The following DOCK4 variants were observed in gnomAD, a reference collection of about 807,000 sequenced individuals.
The protein encoded by DOCK4 is dedicator of cytokinesis protein 4.
A neutral mutation model predicts 268.1 loss-of-function variants in DOCK4; 97 were observed. That is an observed-to-expected ratio of 0.36 (90% CI 0.31 to 0.43). The LOEUF (loss-of-function observed/expected upper bound fraction) is 0.43. Ranked by LOEUF, DOCK4 falls within the 20% of genes least tolerant of loss-of-function variation. The pLI is 1.00. For missense variants in DOCK4, 2,145 were observed against 2,455.7 expected (o/e 0.87, Z 2.67); for synonymous variants, 954 against 887.2 (o/e 1.08, Z -1.34).
At chr7:111,980,605 T>G (rs1798535738) in intron 7 of DOCK4, among the ~76,000 whole-genome samples, 1 of 152,208 alleles carries the variant, frequency 6.6e-6, no homozygotes, top group South Asian at 2.1e-4. Context: ...GGCTGAATAT[T>G]TCCTTGTTGT....
At chr7:111,897,640 G>T (rs1258863703) in intron 15 of DOCK4, among the ~76,000 whole-genome samples, 1 of 152,054 alleles carries the variant, frequency 6.6e-6, no homozygotes, top group Non-Finnish European at 1.5e-5. Context: ...TCTACACCAT[G>T]GAAATCAGCA....
intron 52 of DOCK4, among the ~76,000 whole-genome samples, chr7:111,729,634 C>G (rs1458629640): frequency 2.0e-5 from 3 of 152,126 alleles, no homozygotes; most frequent in Non-Finnish European, 2.9e-5. Flanking sequence ...GCCAAAAACC[C>G]CAAAAACCTA....
Position 111,796,118 on chromosome 7 carries a change from G to A in DOCK4, c.3167-5513C>T, listed in dbSNP as rs78867349. Among the ~76,000 whole-genome samples the A allele has an allele frequency of 5.0e-3, 760 of 152,268 alleles. 6 individuals are homozygous for A. Among genetic ancestry groups the A allele is most frequent in the Non-Finnish European group, 7.1e-3 (484 of 68,028 alleles). ...CATCTGGGAGGTCCCCCATTCTTGG[G>A]AATGGGTGCTCCCCAGAGACCTTAC... On this transcript the variant is annotated intron_variant, in intron 30 of 52. Coordinates refer to ENST00000428084, the MANE Select transcript of DOCK4 (RefSeq NM_001363540.2).
intron 5 of DOCK4, 23 bp downstream of exon 5, chr7:111,994,112 G>A (rs368189579): frequency 1.6e-5 from 24 of 1,465,022 alleles, no homozygotes; most frequent in African/African-American, 1.4e-4. Context: ...CCGAAAAATC[G>A]TGTCATTAAA....
chr7:111,984,271 C>T (rs370378528), intron 7 of DOCK4, 35 bp downstream of exon 7: 76 of 1,571,390 alleles, frequency 4.8e-5, no homozygotes, highest in Non-Finnish European at 6.4e-5. Context: ...AGAAAATTAG[C>T]AGGAAGACTG....
chr7:112,095,000 T>C (rs983091699), intron 1 of DOCK4, among the ~76,000 whole-genome samples: 7 of 152,196 alleles, frequency 4.6e-5, no homozygotes, highest in Non-Finnish European at 1.0e-4. Context: ...AAACCTCCTT[T>C]CTTTATAAAT....
chr7:111,989,692 G>A (rs1166748013), intron 5 of DOCK4, among the ~76,000 whole-genome samples: 2 of 152,198 alleles, frequency 1.3e-5, no homozygotes, highest in Middle Eastern at 3.4e-3. Flanking sequence ...GCTATTATCG[G>A]GCCAGTATTT....
At chr7:112,040,433 A>G (rs1178400285) in intron 1 of DOCK4, among the ~76,000 whole-genome samples, 3 of 152,188 alleles carry the variant, frequency 2.0e-5, no homozygotes, top group Non-Finnish European at 4.4e-5. Flanking sequence ...TGCATGAAAA[A>G]CTGATCAAGA....
rs183286404 is a variant in DOCK4 at position 112,137,916 on chromosome 7, T to C, written c.37+68186A>G. ...TCTGTGTGTGCATTACACTGGATAA[T>C]ACACATAAAGTATTTGCATAGTGCT... On this transcript the variant is annotated intron_variant, in intron 1 of 52. Transcript: ENST00000428084. Among the ~76,000 whole-genome samples the C allele has an allele frequency of 3.3e-4, 50 of 152,354 alleles. No homozygotes were observed. The East Asian group carries it at 8.3e-3, about 25-fold the overall frequency.
intron 1 of DOCK4, among the ~76,000 whole-genome samples, chr7:112,171,251 CCTAT>C (rs1217386095): frequency 6.6e-6 from 1 of 152,090 alleles, no homozygotes; most frequent in Non-Finnish European, 1.5e-5. Flanking sequence ...AAATAATTAA[CCTAT>C]TTTCCATAAA....
intron 1 of DOCK4, among the ~76,000 whole-genome samples, chr7:112,047,498 G>A (rs1804929969): frequency 6.6e-6 from 1 of 152,050 alleles, no homozygotes; most frequent in Admixed American, 6.6e-5. Flanking sequence ...ATTTAATGGA[G>A]ACATTAAAAG....
At position 111,977,042 on chromosome 7, in the gene DOCK4, A is replaced by G. The variant is rs73717924; in HGVS notation, c.701+90T>C. On this transcript the variant is annotated intron_variant, in intron 8 of 52. Coordinates refer to ENST00000428084, the MANE Select transcript of DOCK4 (RefSeq NM_001363540.2). ...AATTGAAGCTGACGGAGTAAAAAATATACAAGATATATATCTTACAGCTTG... is the reference window on the plus strand; with the variant it reads ...AATTGAAGCTGACGGAGTAAAAAATGTACAAGATATATATCTTACAGCTTG... 4,100 of 1,418,822 alleles carry G rather than the reference A, an allele frequency of 2.9e-3. 104 individuals are homozygous for G. In the African/African-American group the frequency reaches 0.053, roughly 18 times the overall value. 87.9% of individuals were successfully genotyped at this position (1,418,822 alleles called of 1,614,324 possible).
intron 11 of DOCK4, among the ~76,000 whole-genome samples, chr7:111,936,366 G>T (rs1794734568): frequency 6.6e-6 from 1 of 152,124 alleles, no homozygotes; most frequent in Non-Finnish European, 1.5e-5. Flanking sequence ...TTGTTTACGT[G>T]GTGTAGTTCA....
intron 27 of DOCK4, among the ~76,000 whole-genome samples, chr7:111,815,800 TA>T (rs937874475): frequency 6.6e-6 from 1 of 151,814 alleles, no homozygotes; most frequent in Non-Finnish European, 1.5e-5. Flanking sequence ...GCCTCCCAAG[TA>T]GCTGGGATTA....
chr7:111,861,464 A>G (rs566434934), intron 23 of DOCK4, among the ~76,000 whole-genome samples: 28 of 152,136 alleles, frequency 1.8e-4, no homozygotes, highest in African/African-American at 6.5e-4. Context: ...GTATAATATT[A>G]GGCCGGGTGT....
intron 1 of DOCK4, among the ~76,000 whole-genome samples, chr7:112,112,938 T>G (rs1811798078): frequency 6.6e-6 from 1 of 152,198 alleles, no homozygotes; most frequent in South Asian, 2.1e-4. Context: ...TTCAAGGACG[T>G]GACAGGCTGT....
chr7:111,901,642 C>T, intron 14 of DOCK4, 35 bp downstream of exon 14: 2 of 1,606,196 alleles, frequency 1.2e-6, no homozygotes, highest in Non-Finnish European at 1.7e-6. Context: ...ATTATACAGA[C>T]TTGTTTGACC....
chr7:112,123,459 G>C (rs891506626), intron 1 of DOCK4, among the ~76,000 whole-genome samples: 1 of 152,068 alleles, frequency 6.6e-6, no homozygotes, highest in Non-Finnish European at 1.5e-5. Flanking sequence ...TTTATAAAAA[G>C]GACCATGAAC....
chr7:111,743,245 G>C lies in DOCK4; in HGVS notation c.4678-1113C>G, dbSNP rs528150597. ...CATGGTCAAAAGGACAAATTCCATA[G>C]ACTGGGAGGAAAACGAATCCTATAT... On this transcript the variant is annotated intron_variant, in intron 44 of 52. Transcript: ENST00000428084. 4.6e-5 allele frequency among the ~76,000 whole-genome samples: 7 copies of C among 152,272 alleles called. No individual in the cohort carries two copies. In the South Asian group the frequency reaches 1.0e-3, roughly 23 times the overall value.
Sources: allele counts gnomAD v4.1 joint callset (sites outside exome capture counted in the v4.1 genomes callset), GRCh38; gene constraint gnomAD v4.1.1; transcripts MANE v1.5; gene names NCBI Gene and HGNC (gene_info 2026-07-23, HGNC 2026-07-21).